Variants in ABHD18 observed in about 807,000 individuals in gnomAD.
ABHD18 encodes the protein abhydrolase domain containing 18.
Under a neutral mutation model 65.9 loss-of-function variants are expected in ABHD18, and 55 were observed. The ratio of observed to expected loss-of-function variants is 0.84; its 90% CI spans 0.67 to 1.05. The LOEUF (loss-of-function observed/expected upper bound fraction) is 1.05. ABHD18 is among the 50% of genes least tolerant of loss of function. The pLI is 0.00. For missense variants in ABHD18, 533 were observed against 558.5 expected (o/e 0.95, Z 0.46); for synonymous variants, 181 against 180.2 (o/e 1.00, Z -0.04).
At chr4:127,997,333 T>A (rs1216531356) in intron 4 of ABHD18, among the ~76,000 whole-genome samples, 1 of 152,206 alleles carries the variant, frequency 6.6e-6, no homozygotes, top group Non-Finnish European at 1.5e-5. Flanking sequence ...CTTACTGTAC[T>A]CTCTGGAGAT....
At chr4:128,021,107 G>T (rs1436540466) in intron 9 of ABHD18, 30 bp from the exon 10 acceptor site, 2 of 1,395,656 alleles carry the variant, frequency 1.4e-6, no homozygotes, top group Non-Finnish European at 2.0e-6. Context: ...TTATGATGTG[G>T]TTTGATCTTA....
intron 6 of ABHD18, among the ~76,000 whole-genome samples, chr4:128,010,584 AT>A (rs1754356491): frequency 6.6e-6 from 1 of 151,672 alleles, no homozygotes; most frequent in South Asian, 2.1e-4. Context: ...TGGCACAGGT[AT>A]GCAAAAAAAA....
intron 6 of ABHD18, among the ~76,000 whole-genome samples, chr4:128,009,842 G>GA (rs1754236962): frequency 6.6e-6 from 1 of 151,962 alleles, no homozygotes; most frequent in Non-Finnish European, 1.5e-5. Context: ...TAAAAACTAA[G>GA]AAAAAATTAA....
intron 10 of ABHD18, among the ~76,000 whole-genome samples, chr4:128,024,774 C>G (rs1349615196): frequency 2.0e-5 from 3 of 152,042 alleles, no homozygotes; most frequent in African/African-American, 7.2e-5. Context: ...CTCGCCGCAG[C>G]CTCCGCCTCC....
At position 127,983,033 on chromosome 4, in the gene ABHD18, A is replaced by G; in HGVS notation, c.78A>G (p.Pro26=). The G allele has an allele frequency of 1.3e-6, 2 of 1,556,432 alleles. No homozygotes were observed. Among genetic ancestry groups the G allele is most frequent in the Non-Finnish European group, 1.7e-6 (2 of 1,149,156 alleles). ...TTTTTATCAGAGGATGGGGAAGGCCAGAAGATCTCAAAAGGCAAGCAATTT... is the reference window on the plus strand; with the variant it reads ...TTTTTATCAGAGGATGGGGAAGGCCGGAAGATCTCAAAAGGCAAGCAATTT... ...TKLFIRGWGR[P]EDLKRLFEFR... is the part of the protein sequence containing the mutation. The change falls in exon 2 of 13, where the codon CCA becomes CCG. Residue 26 remains proline, a synonymous_variant. Coordinates refer to ENST00000645843, the MANE Select transcript of ABHD18 (RefSeq NM_001358451.3).
chr4:128,011,769 G>T, intron 7 of ABHD18, 69 bp downstream of exon 7: 3 of 1,102,536 alleles, frequency 2.7e-6, no homozygotes, highest in Non-Finnish European at 1.2e-6. Context: ...AATTTTGGTT[G>T]CCTTCAGTTA....
intron 3 of ABHD18, among the ~76,000 whole-genome samples, chr4:127,987,195 T>C (rs1363818443): frequency 6.6e-6 from 1 of 151,490 alleles, no homozygotes; most frequent in African/African-American, 2.4e-5. Context: ...CTACTAAAAA[T>C]ACAAACATTA....
intron 1 of ABHD18, among the ~76,000 whole-genome samples, chr4:127,976,305 C>T (rs971407387): frequency 2.0e-5 from 3 of 152,034 alleles, no homozygotes; most frequent in African/African-American, 7.2e-5. Flanking sequence ...AACATTTGTA[C>T]CCAATTTCAT....
At chr4:127,979,663 C>A (rs1178427201) in intron 1 of ABHD18, among the ~76,000 whole-genome samples, 1 of 152,124 alleles carries the variant, frequency 6.6e-6, no homozygotes, top group East Asian at 1.9e-4. Flanking sequence ...CACCTATAAT[C>A]CCAGCACTTT....
chr4:128,032,931 G>A (rs997702423), intron 12 of ABHD18, among the ~76,000 whole-genome samples: 8 of 151,992 alleles, frequency 5.3e-5, no homozygotes, highest in Non-Finnish European at 1.2e-4. Flanking sequence ...AAGAGCAAGT[G>A]CCTGGAACTA....
At chr4:127,972,444 G>C (rs1373661508) in intron 1 of ABHD18, among the ~76,000 whole-genome samples, 3 of 150,560 alleles carry the variant, frequency 2.0e-5, no homozygotes, top group African/African-American at 4.9e-5. Flanking sequence ...TAGCATAACA[G>C]ACACTCATCA....
At chr4:128,023,499 T>C (rs745468519) in intron 10 of ABHD18, among the ~76,000 whole-genome samples, 4 of 147,608 alleles carry the variant, frequency 2.7e-5, no homozygotes, top group Non-Finnish European at 5.9e-5. Flanking sequence ...GCAGATCACT[T>C]GATCCCAGGA....
At chr4:128,001,531 A>G (rs913512466) in intron 4 of ABHD18, among the ~76,000 whole-genome samples, 19 of 152,248 alleles carry the variant, frequency 1.2e-4, no homozygotes, top group Middle Eastern at 3.4e-3. Flanking sequence ...TGTTGTCCTT[A>G]TAGCTTCTGA....
At chr4:128,010,129 A>G (rs768651304) in intron 6 of ABHD18, among the ~76,000 whole-genome samples, 3 of 152,236 alleles carry the variant, frequency 2.0e-5, no homozygotes, top group Non-Finnish European at 2.9e-5. Flanking sequence ...TTATTAAATG[A>G]TTAATACTGT....
intron 10 of ABHD18, among the ~76,000 whole-genome samples, chr4:128,023,011 C>T (rs767704504): frequency 2.0e-5 from 3 of 152,096 alleles, no homozygotes; most frequent in Non-Finnish European, 4.4e-5. Context: ...CCTCCTGATA[C>T]ACCTGCCTCG....
chr4:127,985,785 T>A (rs1365888233), intron 3 of ABHD18, among the ~76,000 whole-genome samples: 1 of 151,820 alleles, frequency 6.6e-6, no homozygotes, highest in African/African-American at 2.4e-5. Context: ...GGGCAGATCG[T>A]GAGGTGAAGA....
At chr4:127,974,269 C>T (rs900543197) in intron 1 of ABHD18, among the ~76,000 whole-genome samples, 1 of 142,870 alleles carries the variant, frequency 7.0e-6, no homozygotes, top group East Asian at 2.1e-4. Flanking sequence ...ACTATCATAG[C>T]TCACTGCCAC....
chr4:128,028,763 A>G lies in ABHD18; in HGVS notation c.1090A>G (p.Lys364Glu), dbSNP rs761329589. ...CCCTCAGTCATACCACCTACTTAGT[A>G]AAGAACAAAGCAGAAACAGTCTTCG... ...RNPQSYHLLS[K>E]EQSRNSLRKE... The change falls in exon 11 of 13, where the codon AAA becomes GAA. Residue 364 changes from lysine to glutamate, a missense_variant. By Grantham distance (56) the Lys-to-Glu change is moderately conservative (BLOSUM62 1). Around this residue, in one of 3 missense-constraint regions of ABHD18, gnomAD observed 220 missense variants for 226.8 expected, o/e 0.97. Coordinates refer to ENST00000645843, the MANE Select transcript of ABHD18 (RefSeq NM_001358451.3). 2.4e-5 allele frequency: 38 copies of G among 1,613,706 alleles called. No homozygotes were observed. In the African/African-American group the frequency reaches 4.7e-4, roughly 20 times the overall value.
chr4:128,013,826 T>C (rs1755002349), intron 7 of ABHD18, among the ~76,000 whole-genome samples: 1 of 152,128 alleles, frequency 6.6e-6, no homozygotes, highest in Admixed American at 6.6e-5. Context: ...ATGTTCTATG[T>C]GGTCATAGCA....
Sources: gnomAD v4.1 joint callset for allele counts (sites outside exome capture counted in the v4.1 genomes callset) on GRCh38, gnomAD v4.1.1 for gene constraint, gnomAD v4.1.1 regional missense constraint, MANE v1.5 for transcripts, NCBI Gene and HGNC (gene_info 2026-07-23, HGNC 2026-07-21) for gene names.